The following CDK11A variants were observed in gnomAD, a reference collection of about 807,000 sequenced individuals.
CDK11A encodes the protein cyclin dependent kinase 11A, also known as cyclin-dependent kinase 11A.
A neutral mutation model predicts 83.6 loss-of-function variants in CDK11A; 55 were observed. The observed-to-expected ratio is 0.66, with a 90% CI of 0.53 to 0.82. The LOEUF (loss-of-function observed/expected upper bound fraction) is 0.82. Ranked by LOEUF, CDK11A falls within the 40% of genes least tolerant of loss-of-function variation. The pLI is 0.00. For synonymous variants in CDK11A, 247 were observed against 302.7 expected (o/e 0.82, Z 1.91); for missense variants, 564 against 810.1 (o/e 0.70, Z 3.69).
chr1:1,715,757 G>A (rs1251032696), intron 5 of CDK11A, among the ~76,000 whole-genome samples: 2 of 151,292 alleles, frequency 1.3e-5, no homozygotes, highest in Admixed American at 1.3e-4. Flanking sequence ...AGATGGGCCT[G>A]CTCGCACCTG....
Position 1,719,371 on chromosome 1 carries a change from C to T in CDK11A, c.312G>A (p.Lys104=), listed in dbSNP as rs1450444291. 18 of 1,533,872 alleles carry T rather than the reference C, an allele frequency of 1.2e-5. 1 individual carries two copies. Among genetic ancestry groups the T allele is most frequent in the Middle Eastern group, 1.7e-4 (1 of 5,824 alleles). The stretch of plus-strand genomic sequence containing the variant: ...TATGATGCCTACATTTTTCTTTTCT[C>T]TTTTCATCTTTTCTGTGATGAACTT... The part of the protein sequence containing the change: ...KEKVHHRKDE[K]RKEKCRHHSH... The change falls in exon 4 of 20, where the codon AAG becomes AAA. Residue 104 remains lysine (K), a synonymous_variant. Transcript: ENST00000404249.
chr1:1,708,470 G>A (rs1167383281), intron 9 of CDK11A, among the ~76,000 whole-genome samples: 3 of 141,242 alleles, frequency 2.1e-5, no homozygotes, highest in Non-Finnish European at 3.1e-5. Context: ...GTGAAACCCC[G>A]TCTCGACTAA....
Position 1,719,399 on chromosome 1 carries a change from T to C in CDK11A, c.284A>G (p.Glu95Gly). The C allele has an allele frequency of 6.5e-7, 1 of 1,537,974 alleles. No homozygotes were observed. Among genetic ancestry groups the C allele is most frequent in the East Asian group, 2.4e-5 (1 of 41,122 alleles). ...IKPPQQMSRK[E>G]KVHHRKDEKR... ...TTCATCTTTTCTGTGATGAACTTTT[T>C]CTTTCCGAGACATTTGCTGGGGTGG... Residue 95 changes from glutamate to glycine, a missense_variant, in exon 4 of 20, where the codon GAA becomes GGA. Around this residue, in one of 5 missense-constraint regions of CDK11A, gnomAD observed 151 missense variants for 147.4 expected, o/e 1.02. Coordinates refer to ENST00000404249, the MANE Select transcript of CDK11A (RefSeq NM_024011.4).
chr1:1,718,805 T>G (rs1483147344), intron 4 of CDK11A, among the ~76,000 whole-genome samples: 2 of 149,504 alleles, frequency 1.3e-5, no homozygotes, highest in Non-Finnish European at 3.0e-5. Flanking sequence ...CCCGGCTAAT[T>G]TTTTGTATTT....
chr1:1,707,991 G>A (rs1165061944), intron 10 of CDK11A, among the ~76,000 whole-genome samples, 189 bp downstream of exon 10: 2 of 141,844 alleles, frequency 1.4e-5, no homozygotes, highest in African/African-American at 5.6e-5. Context: ...CACTCAGGAC[G>A]CCCTTGGTCA....
chr1:1,716,123 C>A (rs997250403), intron 5 of CDK11A, among the ~76,000 whole-genome samples: 3 of 150,710 alleles, frequency 2.0e-5, no homozygotes, highest in African/African-American at 7.3e-5. Flanking sequence ...TCATTGTCTT[C>A]CCTCAATCAA....
rs1280722947 is a variant in CDK11A at position 1,722,718 on chromosome 1, C to G, written c.101G>C (p.Arg34Pro). The part of the protein sequence containing the change: ...KEQEEKAEIK[R>P]LKNSDDRDSK... ...AAAAATATGGCTTACATTTTTTAAG[C>G]GTTTTATCTCTGCTTTCTCCTCTTG... is the stretch of plus-strand genomic sequence containing the variant. The change falls in exon 2 of 20, where the codon CGC (arginine) becomes CCC (proline). Residue 34 changes from arginine (R) to proline (P), a missense_variant. Transcript: ENST00000404249. The G allele has an allele frequency of 6.5e-7, 1 of 1,547,070 alleles. No homozygotes were observed. The highest frequency in any genetic ancestry group is 2.0e-5 in the Admixed American group (1 of 50,220).
chr1:1,717,741 T>C (rs989720222), intron 4 of CDK11A, among the ~76,000 whole-genome samples: 1 of 149,358 alleles, frequency 6.7e-6, no homozygotes, highest in African/African-American at 2.5e-5. Flanking sequence ...ATAGCCCCTC[T>C]GAACGGTCTG....
intron 2 of CDK11A, chr1:1,721,959 G>A (rs924773131): frequency 5.0e-6 from 2 of 396,974 alleles, no homozygotes; most frequent in Admixed American, 3.8e-5. Flanking sequence ...AGACCATCCT[G>A]GCTAACACGG....
chr1:1,718,040 T>TAG (rs143001844), intron 4 of CDK11A, among the ~76,000 whole-genome samples: 112,973 of 139,038 alleles, frequency 0.81, 48,131 homozygotes, highest in Non-Finnish European at 0.93. Flanking sequence ...TGCTTTTAGC[T>TAG]AGTTTGCTCT....
rs751066507 is a variant in CDK11A, at chr1:1,707,467, G to A, written c.1187C>T (p.Pro396Leu). 1 of 1,607,610 alleles carries A rather than the reference G, an allele frequency of 6.2e-7. No individual in the cohort carries two copies. The highest frequency in any genetic ancestry group is 1.1e-5 in the South Asian group (1 of 90,626). ...LTEGDYVPDS[P>L]ALLPIELKQE... is the part of the protein sequence containing the mutation. ...CTTGAGCTCGATGGGCAACAGGGCA[G>A]GGGAGTCGGGCACATAGTCGCCCTC... Residue 396 changes from proline (P) to leucine (L), a missense_variant, in exon 11 of 20, where the codon CCT becomes CTT. Coordinates refer to ENST00000404249, the MANE Select transcript of CDK11A (RefSeq NM_024011.4).
At chr1:1,716,731 C>G (rs1206117487) in intron 4 of CDK11A, among the ~76,000 whole-genome samples, 1 of 141,346 alleles carries the variant, frequency 7.1e-6, no homozygotes, top group Admixed American at 7.6e-5. Flanking sequence ...TGTAGAATCA[C>G]TTGAACCTGG....
Position 1,707,510 on chromosome 1 carries a change from G to T in CDK11A, c.1144C>A (p.Gln382Lys). 1 of 1,604,316 alleles carries T rather than the reference G, an allele frequency of 6.2e-7. No homozygotes were observed. The highest frequency in any genetic ancestry group is 8.5e-7 in the Non-Finnish European group (1 of 1,174,716). ...AEEEVGEGTP[Q>K]SSALTEGDYV... ...TCGCCCTCTGTCAGGGCGCTGCTCT[G>T]CGGCGTTCCCTCACCCACTTCTTCC... Residue 382 changes from glutamine to lysine, a missense_variant, in exon 11 of 20, where the codon CAG (glutamine) becomes AAG (lysine). Coordinates refer to ENST00000404249, the MANE Select transcript of CDK11A (RefSeq NM_024011.4).
intron 14 of CDK11A, 66 bp from the exon 15 acceptor site, chr1:1,704,410 G>T: frequency 6.3e-7 from 1 of 1,582,688 alleles, no homozygotes; most frequent in South Asian, 1.1e-5. Context: ...AGGGTGGCCC[G>T]CTCGCCTCGG....
chr1:1,702,814 C>T lies in CDK11A; in HGVS notation c.*93G>A, dbSNP rs1368476691. 33 of 390,074 alleles carry T rather than the reference C, an allele frequency of 8.5e-5. 1 individual carries two copies. The highest frequency in any genetic ancestry group is 7.4e-4 in the Middle Eastern group (1 of 1,354). 24.2% of individuals were successfully genotyped at this position (390,074 alleles called of 1,614,324 possible). A position where few individuals can be genotyped will look rare whatever the true frequency, so the allele number is the denominator to read the frequency against. On this transcript the variant is annotated 3_prime_UTR_variant, in exon 20 of 20. Transcript: ENST00000404249. ...ACAAAACATGGAGCACAAAGTAAGA[C>T]GAGGAGTTCCGAGTCTCATCGCAGC...
At chr1:1,716,177 C>T (rs1644633842) in intron 5 of CDK11A, among the ~76,000 whole-genome samples, 169 bp downstream of exon 5, 1 of 143,046 alleles carries the variant, frequency 7.0e-6, no homozygotes, top group Admixed American at 7.4e-5. Flanking sequence ...AACTCACTCC[C>T]TCAGGACAGT....
rs1471017219 is a variant in CDK11A at position 1,717,405 on chromosome 1, G to A, written c.356-927C>T. 1.3e-5 allele frequency among the ~76,000 whole-genome samples: 2 copies of A among 151,114 alleles called. 1 individual carries two copies. The highest frequency in any genetic ancestry group is 4.9e-5 in the African/African-American group (2 of 41,094). ...CACCCGTAAGAATCTCCTGATGTTG[G>A]TACGAGATCAAACTGCTCAAGCCTA... On this transcript the variant is annotated intron_variant, in intron 4 of 19. Transcript: ENST00000404249.
At position 1,704,235 on chromosome 1, in the gene CDK11A, G is replaced by T. The variant is rs371377085; in HGVS notation, c.1674C>A (p.Ala558=). ...LKTSNLLLSH[A]GILKVGDFGL... is the part of the protein sequence containing the mutation. ...GAGGGGGGCTCACCTTGAGGATGCC[G>T]GCGTGGCTCAGCAGCAGGTTGGACG... The change falls in exon 15 of 20, where the codon GCC becomes GCA. Residue 558 remains alanine, a synonymous_variant. Coordinates refer to ENST00000404249, the MANE Select transcript of CDK11A (RefSeq NM_024011.4). 2.5e-6 allele frequency: 4 copies of T among 1,608,362 alleles called. No individual in the cohort carries two copies. In the African/African-American group the frequency reaches 5.4e-5, roughly 22 times the overall value.
intron 2 of CDK11A, 117 bp from the exon 3 acceptor site, chr1:1,721,828 T>C: frequency 7.4e-7 from 1 of 1,358,164 alleles, no homozygotes; most frequent in African/African-American, 1.5e-5. Flanking sequence ...CTTTCACATG[T>C]ACTCTGAATG....
Sources: gnomAD v4.1 joint callset for allele counts (sites outside exome capture counted in the v4.1 genomes callset) on GRCh38, gnomAD v4.1.1 for gene constraint, gnomAD v4.1.1 regional missense constraint, MANE v1.5 for transcripts, NCBI Gene and HGNC (gene_info 2026-07-23, HGNC 2026-07-21) for gene names.